The following GPC6 variants were observed in gnomAD, a reference collection of about 807,000 sequenced individuals.
GPC6 encodes glypican-6.
In GPC6, 14 loss-of-function variants were observed where a neutral mutation model predicts 55.2. That is an observed-to-expected ratio of 0.25 (90% confidence interval 0.17 to 0.40). The LOEUF (loss-of-function observed/expected upper bound fraction) is 0.40. Among genes scored for constraint, GPC6 ranks in the 10% least tolerant of loss-of-function variants. GPC6 has a pLI of 1.00. For synonymous variants in GPC6, 278 were observed against 259.6 expected (o/e 1.07, Z -0.68); for missense variants, 641 against 708.5 (o/e 0.90, Z 1.08).
intron 2 of GPC6, among the ~76,000 whole-genome samples, chr13:93,777,330 A>G (rs1170675661): frequency 6.6e-6 from 1 of 152,136 alleles, no homozygotes; most frequent in Non-Finnish European, 1.5e-5. Flanking sequence ...TGTGCTTACT[A>G]GCAACATTAA....
chr13:94,042,868 T>C (rs11843004), intron 4 of GPC6, among the ~76,000 whole-genome samples: 1,928 of 151,954 alleles, frequency 0.013, 44 homozygotes, highest in South Asian at 0.076. Context: ...TATATATTAA[T>C]TGGAATTCTT....
At chr13:93,379,136 T>A (rs978631357) in intron 1 of GPC6, among the ~76,000 whole-genome samples, 11 of 152,138 alleles carry the variant, frequency 7.2e-5, no homozygotes, top group South Asian at 2.1e-4. Context: ...TAGGAGACAG[T>A]ATCTTCTCCT....
At chr13:93,631,811 T>C (rs1408897972) in intron 2 of GPC6, among the ~76,000 whole-genome samples, 2 of 152,216 alleles carry the variant, frequency 1.3e-5, no homozygotes, top group African/African-American at 4.8e-5. Flanking sequence ...AATGCTGTCA[T>C]TGATTTTATG....
At chr13:93,620,847 A>G (rs371009985) in intron 2 of GPC6, among the ~76,000 whole-genome samples, 2 of 151,916 alleles carry the variant, frequency 1.3e-5, no homozygotes, top group East Asian at 1.9e-4. Flanking sequence ...GCCACCTTAG[A>G]CCTTTTCTTC....
chr13:93,977,716 C>A (rs1164115736), intron 3 of GPC6, among the ~76,000 whole-genome samples: 1 of 152,138 alleles, frequency 6.6e-6, no homozygotes, highest in Non-Finnish European at 1.5e-5. Flanking sequence ...CCTTCTGCTT[C>A]AGCCTGACTT....
chr13:93,807,578 T>C (rs978680075), intron 2 of GPC6, among the ~76,000 whole-genome samples: 1 of 152,172 alleles, frequency 6.6e-6, no homozygotes, highest in Non-Finnish European at 1.5e-5. Flanking sequence ...TTCCAACAAG[T>C]TTCCGGTTGG....
intron 3 of GPC6, among the ~76,000 whole-genome samples, chr13:93,883,073 A>C (rs1307492624): frequency 6.6e-6 from 1 of 151,374 alleles, no homozygotes; most frequent in Admixed American, 6.6e-5. Context: ...GAATTTTGTA[A>C]AATTCCCAAT....
intron 1 of GPC6, among the ~76,000 whole-genome samples, chr13:93,423,950 A>G (rs1213427144): frequency 6.6e-6 from 1 of 152,098 alleles, no homozygotes; most frequent in Non-Finnish European, 1.5e-5. Context: ...AAAAAGTACA[A>G]CTTCCGTATC....
In GPC6 at chr13:94,406,546, C is replaced by G. The variant is rs1156317752; in HGVS notation, c.*3329C>G. 6.6e-6 allele frequency: 1 copy of G among 152,106 alleles called. No individual in the cohort carries two copies. The highest frequency in any genetic ancestry group is 1.5e-5 in the Non-Finnish European group (1 of 67,960). The allele number at this position is 152,106 out of a possible 1,614,324, so 9.4% of individuals were successfully genotyped here. On this transcript the variant is annotated 3_prime_UTR_variant, in exon 9 of 9. Transcript: ENST00000377047. ...GATAGAAAATACTATTTTGTCTACA[C>G]TGAAAAACATTATTATTCATTGATA...
intron 2 of GPC6, among the ~76,000 whole-genome samples, chr13:93,765,307 T>TTTCCAGATAAGCTGTCTGGAAAGACAACC (rs1885090817): frequency 6.6e-6 from 1 of 152,070 alleles, no homozygotes; most frequent in African/African-American, 2.4e-5. Flanking sequence ...GAAAGACAAC[T>TTTCCAGATAAGCTGTCTGGAAAGACAACC]TATTTGGTTT....
chr13:93,363,458 A>G (rs1010870777), intron 1 of GPC6, among the ~76,000 whole-genome samples: 3 of 152,200 alleles, frequency 2.0e-5, no homozygotes, highest in African/African-American at 7.2e-5. Flanking sequence ...TACAAAAGAC[A>G]TGAACTCATC....
intron 4 of GPC6, among the ~76,000 whole-genome samples, chr13:94,165,275 C>T (rs193168616): frequency 0.048 from 6,841 of 143,208 alleles, 191 homozygotes; most frequent in South Asian, 0.058. Context: ...TATATATACA[C>T]ATATATATAT....
chr13:93,820,146 T>A lies in GPC6; in HGVS notation c.320-10008T>A, dbSNP rs147849916. Among the ~76,000 whole-genome samples, 422 of 152,282 alleles carry A rather than the reference T, an allele frequency of 2.8e-3. 2 individuals are homozygous for A. The highest frequency in any genetic ancestry group is 0.014 in the Middle Eastern group (4 of 294). ...ATTGATTATTTTTAATGAACATTCA[T>A]GGTTGTATACTGATGACTTTTCATT... On this transcript the variant is annotated intron_variant, in intron 2 of 8. Transcript: ENST00000377047.
chr13:93,349,742 T>C (rs1287271062), intron 1 of GPC6, among the ~76,000 whole-genome samples: 1 of 152,212 alleles, frequency 6.6e-6, no homozygotes, highest in African/African-American at 2.4e-5. Context: ...TTAATATTAA[T>C]GTTCCTTGTA....
At position 93,436,023 on chromosome 13, in the gene GPC6, C is replaced by T. The variant is rs377076201; in HGVS notation, c.161-109240C>T. On this transcript the variant is annotated intron_variant, in intron 1 of 8. Coordinates refer to ENST00000377047, the MANE Select transcript of GPC6 (RefSeq NM_005708.5). ...TAGTCCTGGAAGATCCTAGCCCATA[C>T]GTTCTGCCATGATGTACATAGTGTT... 2.0e-4 allele frequency among the ~76,000 whole-genome samples: 30 copies of T among 152,262 alleles called. No individual in the cohort carries two copies. The South Asian group carries it at 3.1e-3, about 16-fold the overall frequency.
chr13:94,076,316 G>T (rs1884913431), intron 4 of GPC6, among the ~76,000 whole-genome samples: 1 of 151,746 alleles, frequency 6.6e-6, no homozygotes, highest in South Asian at 2.1e-4. Flanking sequence ...AAGGTTATTT[G>T]TCTTTTTGCT....
chr13:93,371,178 T>C (rs1194563602), intron 1 of GPC6, among the ~76,000 whole-genome samples: 1 of 152,002 alleles, frequency 6.6e-6, no homozygotes, highest in East Asian at 1.9e-4. Flanking sequence ...TGGGATCAGG[T>C]TTATGGCTAG....
chr13:93,360,200 A>G (rs1182555220), intron 1 of GPC6, among the ~76,000 whole-genome samples: 1 of 152,176 alleles, frequency 6.6e-6, no homozygotes, highest in Non-Finnish European at 1.5e-5. Context: ...GTTTGTTGAA[A>G]CCCCAGAGTG....
At chr13:93,474,436 A>G (rs186493007) in intron 1 of GPC6, among the ~76,000 whole-genome samples, 82 of 152,186 alleles carry the variant, frequency 5.4e-4, no homozygotes, top group Non-Finnish European at 1.0e-3. Context: ...GGAATTTTCC[A>G]GTTGTCTGAG....
Sources: gnomAD v4.1 joint callset for allele counts (sites outside exome capture counted in the v4.1 genomes callset) on GRCh38, gnomAD v4.1.1 for gene constraint, MANE v1.5 for transcripts, NCBI Gene and HGNC (gene_info 2026-07-23, HGNC 2026-07-21) for gene names.